FKBP15: variants seen among roughly 807,000 people sequenced by gnomAD.
FKBP15 encodes the protein FKBP prolyl isomerase family member 15, also known as FK506-binding protein 15.
Under a neutral mutation model 158.1 loss-of-function variants are expected in FKBP15, and 106 were observed. That is an observed-to-expected ratio of 0.67 (90% CI 0.57 to 0.79). The LOEUF is 0.79. Ranked by LOEUF, FKBP15 falls within the 30% of genes least tolerant of loss-of-function variation. FKBP15 has a pLI of 0.00. For missense variants in FKBP15, 1,287 were observed against 1,479.1 expected (o/e 0.87, Z 2.13); for synonymous variants, 547 against 548.6 (o/e 1.00, Z 0.04).
chr9:113,198,900 T>C lies in FKBP15; in HGVS notation c.672A>G (p.Lys224=). The C allele has an allele frequency of 6.2e-7, 1 of 1,605,426 alleles. No individual in the cohort carries two copies. Among genetic ancestry groups the C allele is most frequent in the Non-Finnish European group, 8.5e-7 (1 of 1,175,584 alleles). ...LGQVFDSTAN[K]DKLLRLKLGS... is the part of the protein sequence containing the mutation. ...CTAACTTCAAGCGAAGCAACTTATC[T>C]TTGTTAGCAGTGGAGTCGAAAACCT... Residue 224 remains lysine, a synonymous_variant, in exon 8 of 28, where the codon AAA becomes AAG. Transcript: ENST00000238256. The surrounding 1 kb of genome is among the most constrained non-coding windows in gnomAD (Gnocchi z 5.2).
intron 24 of FKBP15, 130 bp downstream of exon 24, chr9:113,171,451 A>G (rs1830207027): frequency 8.2e-7 from 1 of 1,220,804 alleles, no homozygotes; most frequent in Non-Finnish European, 1.1e-6. Context: ...AATCTGGTTC[A>G]TTTTAAAGTC....
In FKBP15 at chr9:113,164,939, T is replaced by G. The variant is rs901838689; in HGVS notation, c.*1139A>C. ...CTCCCAGGTCCGCACACGGGAGACA[T>G]ATCCAAAGCCTGCAAGGATGATGCC... On this transcript the variant is annotated 3_prime_UTR_variant, in exon 28 of 28. Coordinates refer to ENST00000238256, the MANE Select transcript of FKBP15 (RefSeq NM_015258.2). 6.6e-6 allele frequency: 1 copy of G among 152,224 alleles called. No homozygotes were observed. Among genetic ancestry groups the G allele is most frequent in the Non-Finnish European group, 1.5e-5 (1 of 68,038 alleles). The allele number at this position is 152,224 out of a possible 1,614,324, so 9.4% of individuals were successfully genotyped here. A position where few individuals can be genotyped will look rare whatever the true frequency, so the allele number is the denominator to read the frequency against.
rs948775808 is a variant in FKBP15, at chr9:113,198,170, T to C, written c.717+685A>G. Among the ~76,000 whole-genome samples, 1 of 152,162 alleles carries C rather than the reference T, an allele frequency of 6.6e-6. No homozygotes were observed. The highest frequency in any genetic ancestry group is 2.4e-5 in the African/African-American group (1 of 41,440). ...CTGCTGTCACAGTTGCCTTCTACAGTGATTGGAAAGTGCTGATTCAAAGCA... is the reference window on the plus strand; with the variant it reads ...CTGCTGTCACAGTTGCCTTCTACAGCGATTGGAAAGTGCTGATTCAAAGCA... On this transcript the variant is annotated intron_variant, in intron 8 of 27. Coordinates refer to ENST00000238256, the MANE Select transcript of FKBP15 (RefSeq NM_015258.2). The surrounding 1 kb of genome is among the most constrained non-coding windows in gnomAD (Gnocchi z 5.2).
At chr9:113,207,335 T>A in intron 2 of FKBP15, 39 bp from the exon 3 acceptor site, 3 of 1,493,384 alleles carry the variant, frequency 2.0e-6, no homozygotes, top group Non-Finnish European at 2.7e-6. Flanking sequence ...CATTCACTTC[T>A]TGCTTTAAAC....
At chr9:113,180,144 C>T (rs1187266526) in intron 19 of FKBP15, among the ~76,000 whole-genome samples, 1 of 152,204 alleles carries the variant, frequency 6.6e-6, no homozygotes, top group Non-Finnish European at 1.5e-5. Context: ...TGCAGGGTTA[C>T]TCTCTTGCTA....
In FKBP15 at chr9:113,169,323, G is replaced by A. The variant is rs753439653; in HGVS notation, c.3386C>T (p.Thr1129Ile). 10 of 1,613,956 alleles carry A rather than the reference G, an allele frequency of 6.2e-6. No individual in the cohort carries two copies. In the Admixed American group the frequency reaches 6.7e-5, roughly 11 times the overall value. The part of the protein sequence containing the change: ...QPPQLKKDDV[T>I]SSTGPHKELS... ...CTCCTTGTGGGGACCGGTGGAGCTA[G>A]TGACATCATCTTTCTTGAGCTGTGG... Residue 1129 changes from threonine to isoleucine, a missense_variant, in exon 26 of 28, where the codon ACT (threonine) becomes ATT (isoleucine). By Grantham distance (89) the Thr-to-Ile change is moderately conservative (BLOSUM62 -1). Transcript: ENST00000238256.
intron 8 of FKBP15, among the ~76,000 whole-genome samples, chr9:113,197,722 T>C (rs907463521): frequency 2.0e-5 from 3 of 152,230 alleles, no homozygotes; most frequent in Non-Finnish European, 2.9e-5. Context: ...TTTACATGCA[T>C]GATCTTGTTT....
intron 4 of FKBP15, among the ~76,000 whole-genome samples, chr9:113,204,469 C>T (rs948911613): frequency 2.6e-5 from 4 of 152,232 alleles, no homozygotes; most frequent in Admixed American, 6.5e-5. Context: ...AATTCTCTCA[C>T]TTTTGTTTGG....
chr9:113,211,786 CA>C (rs1172862110), intron 1 of FKBP15, among the ~76,000 whole-genome samples, 194 bp from the exon 2 acceptor site: 1 of 151,606 alleles, frequency 6.6e-6, no homozygotes, highest in Non-Finnish European at 1.5e-5. Context: ...TTGGACACAG[CA>C]AAGTGTCTTT....
intron 23 of FKBP15, among the ~76,000 whole-genome samples, chr9:113,172,917 C>G (rs1017845607): frequency 6.6e-6 from 1 of 152,176 alleles, no homozygotes; most frequent in Non-Finnish European, 1.5e-5. Flanking sequence ...CCACCACACC[C>G]CAGCCTCCAT....
rs1830890354 is a variant in FKBP15, at chr9:113,206,538, C to T, written c.295G>A (p.Ala99Thr). 1 of 1,613,778 alleles carries T rather than the reference C, an allele frequency of 6.2e-7. No individual in the cohort carries two copies. The highest frequency in any genetic ancestry group is 8.5e-7 in the Non-Finnish European group (1 of 1,179,864). ...CTGGCTGTGTGGTTCCCCAGAACTG[C>T]AGCACCAAATTTGCCCTGCTTTACA... ...QYVKQGKFGA[A>T]VLGNHTAREY... The change falls in exon 4 of 28, where the codon GCA (alanine) becomes ACA (threonine). Residue 99 changes from alanine to threonine, a missense_variant. Coordinates refer to ENST00000238256, the MANE Select transcript of FKBP15 (RefSeq NM_015258.2).
chr9:113,216,682 C>G (rs1831141673), intron 1 of FKBP15, among the ~76,000 whole-genome samples: 3 of 152,154 alleles, frequency 2.0e-5, no homozygotes, highest in Admixed American at 6.5e-5. Context: ...AGCTTATGCA[C>G]AGATTACTGA....
At position 113,182,839 on chromosome 9, in the gene FKBP15, T is replaced by C. The variant is rs774404513; in HGVS notation, c.1841A>G (p.Glu614Gly). 16 of 1,613,744 alleles carry C rather than the reference T, an allele frequency of 9.9e-6. No individual in the cohort carries two copies. In the East Asian group the frequency reaches 3.6e-4, roughly 36 times the overall value. The change falls in exon 19 of 28, where the codon GAG (glutamate) becomes GGG (glycine). Residue 614 changes from glutamate (E) to glycine (G), a missense_variant. Physicochemically the swap from Glu to Gly is moderately conservative, Grantham distance 98. Coordinates refer to ENST00000238256, the MANE Select transcript of FKBP15 (RefSeq NM_015258.2). ...RYVEQSNLMMEKRNNSLQTAT... is the reference protein window; with the variant it reads ...RYVEQSNLMMGKRNNSLQTAT... ...TGTCTGAAGTGAGTTGTTCCTCTTCTCCATCATCAGGTTACTCTGCTCAAC... is the reference window on the plus strand; with the variant it reads ...TGTCTGAAGTGAGTTGTTCCTCTTCCCCATCATCAGGTTACTCTGCTCAAC...
rs78562042 is a variant in FKBP15 at position 113,184,781 on chromosome 9, G to C, written c.1522C>G (p.Leu508Val). 1.2e-6 allele frequency: 2 copies of C among 1,600,304 alleles called. No individual in the cohort carries two copies. Among genetic ancestry groups the C allele is most frequent in the South Asian group, 2.3e-5 (2 of 88,778 alleles). Reference sequence around the variant, plus strand: ...TTATGTTGCCGGGCTTCAGTCATGAGAAATGAAGCCATATCACCTGATCCT... The same window carrying C: ...TTATGTTGCCGGGCTTCAGTCATGACAAATGAAGCCATATCACCTGATCCT... ...FQGSGDMASF[L>V]MTEARQHNTE... The change falls in exon 16 of 28, where the codon CTC becomes GTC. Residue 508 changes from leucine (L) to valine (V), a missense_variant. Coordinates refer to ENST00000238256, the MANE Select transcript of FKBP15 (RefSeq NM_015258.2). This position sits in a 1 kb window ranked among gnomAD's most constrained non-coding sequence, Gnocchi z 4.5.
intron 18 of FKBP15, among the ~76,000 whole-genome samples, chr9:113,183,210 C>T (rs1008565787): frequency 2.6e-5 from 4 of 152,028 alleles, no homozygotes; most frequent in African/African-American, 4.8e-5. Context: ...ATGTGGGAGA[C>T]AAGAGACAGT....
In FKBP15 at chr9:113,206,314, T is replaced by C. The variant is rs750032218; in HGVS notation, c.324+195A>G. ...GGTCAAATTTAACAATTTTGAATGG[T>C]TGGATTTGTTTTAACGCACAATAGT... On this transcript the variant is annotated intron_variant, in intron 4 of 27. Transcript: ENST00000238256. 84 of 569,926 alleles carry C rather than the reference T, an allele frequency of 1.5e-4. 1 individual carries two copies. Among genetic ancestry groups the C allele is most frequent in the East Asian group, 1.2e-3 (41 of 34,936 alleles). The allele number at this position is 569,926 out of a possible 1,614,324, so 35.3% of individuals were successfully genotyped here. A position where few individuals can be genotyped will look rare whatever the true frequency, so the allele number is the denominator to read the frequency against.
In FKBP15 at chr9:113,190,551, T is replaced by C; in HGVS notation, c.1093A>G (p.Ile365Val). 1 of 1,611,428 alleles carries C rather than the reference T, an allele frequency of 6.2e-7. No individual in the cohort carries two copies. The highest frequency in any genetic ancestry group is 8.5e-7 in the Non-Finnish European group (1 of 1,178,812). Residue 365 changes from isoleucine to valine, a missense_variant, in exon 12 of 28, where the codon ATC becomes GTC. Physicochemically the swap from Ile to Val is conservative, Grantham distance 29. Transcript: ENST00000238256. The part of the protein sequence containing the change: ...TSPDAVKAKL[I>V]SRMAKMGQPM... ...TGGCCCATTTTAGCCATCCGAGAGA[T>C]CAACTTGGCTTTGACTGCATCGGGA... is the stretch of plus-strand genomic sequence containing the variant.
intron 15 of FKBP15, 34 bp downstream of exon 15, chr9:113,186,215 C>A: frequency 1.4e-6 from 2 of 1,434,866 alleles, no homozygotes; most frequent in Non-Finnish European, 1.9e-6. Context: ...ACAGCAAGAG[C>A]GGAAGATGAG....
chr9:113,161,811 A>G lies in FKBP15; in HGVS notation c.*4267T>C. On this transcript the variant is annotated 3_prime_UTR_variant, in exon 28 of 28. Transcript: ENST00000238256. ...CAGAGAGGACAGCGAGGCCCAGGGA[A>G]GGACCAGGACTTGCCAAAGTGGCTA... is the stretch of plus-strand genomic sequence containing the variant. 8.2e-7 allele frequency: 1 copy of G among 1,215,302 alleles called. No homozygotes were observed. The highest frequency in any genetic ancestry group is 1.2e-6 in the Non-Finnish European group (1 of 839,618). 75.3% of individuals were successfully genotyped at this position (1,215,302 alleles called of 1,614,324 possible). A position where few individuals can be genotyped will look rare whatever the true frequency, so the allele number is the denominator to read the frequency against.
Sources: allele counts gnomAD v4.1 joint callset (sites outside exome capture counted in the v4.1 genomes callset), GRCh38; gene constraint gnomAD v4.1.1; non-coding constraint Gnocchi (gnomAD v3.1); transcripts MANE v1.5; gene names NCBI Gene and HGNC (gene_info 2026-07-23, HGNC 2026-07-21).